ZZZ3: variants seen among roughly 807,000 people sequenced by gnomAD.
The protein encoded by ZZZ3 is zinc finger ZZ-type containing 3, also known as ZZ-type zinc finger-containing protein 3.
ZZZ3 carries 22 observed loss-of-function variants against 95.2 expected under a neutral mutation model. The ratio of observed to expected loss-of-function variants is 0.23; its 90% CI spans 0.17 to 0.33. The LOEUF (loss-of-function observed/expected upper bound fraction) is 0.33. Ranked by LOEUF, ZZZ3 falls within the 10% of genes least tolerant of loss-of-function variation. The probability of loss-of-function intolerance (pLI) is 1.00; values close to 1 mark genes in which losing one functional copy is unlikely to be tolerated. For synonymous variants in ZZZ3, 335 were observed against 358.9 expected, an observed-to-expected ratio of 0.93 and a Z score of 0.75; for missense variants, 885 against 1,066.5, an observed-to-expected ratio of 0.83 and a Z score of 2.37.
intron 5 of ZZZ3, among the ~76,000 whole-genome samples, chr1:77,593,574 A>C (rs754438681): frequency 3.3e-5 from 5 of 152,202 alleles, no homozygotes; most frequent in African/African-American, 4.8e-5. Flanking sequence ...GGAAGAGGAA[A>C]GGGGCAAGGT....
At chr1:77,670,686 C>T (rs1254319571) in intron 1 of ZZZ3, among the ~76,000 whole-genome samples, 3 of 150,744 alleles carry the variant, frequency 2.0e-5, no homozygotes, top group African/African-American at 7.3e-5. Flanking sequence ...GATGAACAGA[C>T]TTATATGAAA....
At chr1:77,630,258 G>A (rs370182000) in intron 5 of ZZZ3, among the ~76,000 whole-genome samples, 5 of 152,104 alleles carry the variant, frequency 3.3e-5, no homozygotes, top group South Asian at 2.1e-4. Flanking sequence ...AGGATCAATC[G>A]AGCCCAGGAG....
intron 5 of ZZZ3, among the ~76,000 whole-genome samples, chr1:77,613,455 C>T (rs987531191): frequency 1.1e-4 from 16 of 146,724 alleles, no homozygotes; most frequent in South Asian, 4.4e-4. Context: ...TGCTATTCCA[C>T]GCCTTTAAAA....
chr1:77,574,186 A>G (rs1418458130), intron 12 of ZZZ3, among the ~76,000 whole-genome samples: 2 of 148,452 alleles, frequency 1.3e-5, no homozygotes, highest in Non-Finnish European at 3.0e-5. Flanking sequence ...ATTTATATAG[A>G]TATATCTATA....
At chr1:77,673,884 G>C (rs1212172397) in intron 1 of ZZZ3, among the ~76,000 whole-genome samples, 1 of 151,724 alleles carries the variant, frequency 6.6e-6, no homozygotes. Flanking sequence ...ATAAAAATTA[G>C]AATGGGAATC....
chr1:77,679,985 G>C (rs1482689087), intron 1 of ZZZ3, among the ~76,000 whole-genome samples: 1 of 152,166 alleles, frequency 6.6e-6, no homozygotes, highest in African/African-American at 2.4e-5. Flanking sequence ...TCAGATGCAC[G>C]TGGACTATTA....
At chr1:77,576,478 G>T (rs1661959603) in intron 11 of ZZZ3, among the ~76,000 whole-genome samples, 1 of 151,968 alleles carries the variant, frequency 6.6e-6, no homozygotes, top group Non-Finnish European at 1.5e-5. Flanking sequence ...GCTTATATTT[G>T]TATCCCCAGC....
intron 5 of ZZZ3, among the ~76,000 whole-genome samples, chr1:77,598,464 A>T (rs549280133): frequency 7.3e-4 from 111 of 152,086 alleles, no homozygotes; most frequent in Non-Finnish European, 1.3e-3. Flanking sequence ...CGCAGTTTGA[A>T]CCCATGTACT....
intron 5 of ZZZ3, chr1:77,584,937 ACAAT>A (rs751602951): frequency 1.4e-5 from 3 of 210,668 alleles, no homozygotes; most frequent in Non-Finnish European, 2.8e-5. Context: ...TGATCTTCCA[ACAAT>A]CAAAGTCGTT....
At chr1:77,606,423 T>C (rs1228619547) in intron 5 of ZZZ3, among the ~76,000 whole-genome samples, 1 of 152,172 alleles carries the variant, frequency 6.6e-6, no homozygotes, top group Non-Finnish European at 1.5e-5. Context: ...CTCACCGCCC[T>C]GAAGGGAAGG....
In ZZZ3 at chr1:77,588,316, C is replaced by T. The variant is rs373378450; in HGVS notation, c.1506-3661G>A. On this transcript the variant is annotated intron_variant, in intron 5 of 14. Coordinates refer to ENST00000370801, the MANE Select transcript of ZZZ3 (RefSeq NM_015534.6). Reference sequence around the variant, plus strand: ...AGGAAACCAAGCACAGATTAAGTAACTCCCCAAGATCATACAAGCTATTTA... The same window carrying T: ...AGGAAACCAAGCACAGATTAAGTAATTCCCCAAGATCATACAAGCTATTTA... Among the ~76,000 whole-genome samples, 8 of 152,292 alleles carry T rather than the reference C, an allele frequency of 5.3e-5. 1 individual carries two copies. Among genetic ancestry groups the T allele is most frequent in the African/African-American group, 9.6e-5 (4 of 41,562 alleles).
At position 77,587,719 on chromosome 1, in the gene ZZZ3, T is replaced by G. The variant is rs548533128; in HGVS notation, c.1506-3064A>C. Among the ~76,000 whole-genome samples, 162 of 152,212 alleles carry G rather than the reference T, an allele frequency of 1.1e-3. 1 individual carries two copies. The highest frequency in any genetic ancestry group is 1.9e-3 in the Non-Finnish European group (128 of 68,014). The stretch of plus-strand genomic sequence containing the variant: ...GAAACAATGTAAGATGAAATAACAA[T>G]ACAGTTGGCCCTTGAACAACACAAC... On this transcript the variant is annotated intron_variant, in intron 5 of 14. Coordinates refer to ENST00000370801, the MANE Select transcript of ZZZ3 (RefSeq NM_015534.6).
intron 5 of ZZZ3, among the ~76,000 whole-genome samples, chr1:77,629,563 C>T (rs1164445046): frequency 4.6e-5 from 7 of 152,050 alleles, no homozygotes; most frequent in African/African-American, 1.4e-4. Flanking sequence ...TAGGTCAAAG[C>T]TGCAGTGAGC....
At chr1:77,613,751 A>G (rs1020300681) in intron 5 of ZZZ3, among the ~76,000 whole-genome samples, 2 of 152,128 alleles carry the variant, frequency 1.3e-5, no homozygotes, top group Non-Finnish European at 2.9e-5. Flanking sequence ...CAAGAGTGCT[A>G]TTCCTACCTG....
chr1:77,611,466 G>A (rs1335376068), intron 5 of ZZZ3, among the ~76,000 whole-genome samples: 1 of 151,778 alleles, frequency 6.6e-6, no homozygotes, highest in Admixed American at 6.6e-5. Flanking sequence ...ATTTTTCATA[G>A]ATATAGAAAA....
chr1:77,570,735 C>G (rs1473708094), intron 12 of ZZZ3, among the ~76,000 whole-genome samples: 1 of 150,896 alleles, frequency 6.6e-6, no homozygotes, highest in African/African-American at 2.4e-5. Flanking sequence ...TGGTGGGGCT[C>G]TCTGCAGACT....
chr1:77,568,623 T>A (rs1009448900), intron 12 of ZZZ3, among the ~76,000 whole-genome samples, 157 bp from the exon 13 acceptor site: 1 of 150,544 alleles, frequency 6.6e-6, no homozygotes, highest in African/African-American at 2.4e-5. Context: ...AGCAGTATTT[T>A]CCACTAATGC....
chr1:77,626,644 GTT>G (rs1016729516), intron 5 of ZZZ3, among the ~76,000 whole-genome samples: 2 of 152,166 alleles, frequency 1.3e-5, no homozygotes, highest in Non-Finnish European at 2.9e-5. Context: ...GGGGACCCCT[GTT>G]TTAGAAAGCT....
At position 77,632,546 on chromosome 1, in the gene ZZZ3, T is replaced by A. The variant is rs1468877201; in HGVS notation, c.809A>T (p.Asp270Val). The change falls in exon 5 of 15, where the codon GAT becomes GTT. Residue 270 changes from aspartate to valine, a missense_variant. Asp to Val is a radical substitution (Grantham distance 152). Around this residue, in one of 5 missense-constraint regions of ZZZ3, gnomAD observed 556 missense variants for 652.9 expected, o/e 0.85. Coordinates refer to ENST00000370801, the MANE Select transcript of ZZZ3 (RefSeq NM_015534.6). ...SYIDHKVPCT[D>V]SQVQVKLEDH... ...CTCCAACTTGACCTGCACTTGTGAA[T>A]CTGTGCAAGGCACCTTATGGTCTAT... The A allele has an allele frequency of 5.0e-6, 8 of 1,614,082 alleles. No individual in the cohort carries two copies. The highest frequency in any genetic ancestry group is 1.3e-5 in the African/African-American group (1 of 74,932).
Sources: allele counts gnomAD v4.1 joint callset (sites outside exome capture counted in the v4.1 genomes callset), GRCh38; gene constraint gnomAD v4.1.1; regional missense constraint gnomAD v4.1.1; transcripts MANE v1.5; gene names NCBI Gene and HGNC (gene_info 2026-07-23, HGNC 2026-07-21).